Variants in PGM2L1 observed in about 807,000 individuals in gnomAD.
The protein encoded by PGM2L1 is glucose 1,6-bisphosphate synthase.
PGM2L1 carries 35 observed loss-of-function variants against 73.4 expected under a neutral mutation model. The observed-to-expected ratio is 0.48, with a 90% CI of 0.36 to 0.63. The LOEUF is 0.63. Ranked by LOEUF, PGM2L1 falls within the 30% of genes least tolerant of loss-of-function variation. The pLI, the probability that PGM2L1 is intolerant of heterozygous loss-of-function variation, is 0.00. For missense variants in PGM2L1, 570 were observed against 742.0 expected (o/e 0.77, Z 2.69); for synonymous variants, 225 against 253.8 (o/e 0.89, Z 1.08).
chr11:74,388,224 GAT>G (rs1248543543), intron 1 of PGM2L1, among the ~76,000 whole-genome samples: 1 of 152,122 alleles, frequency 6.6e-6, no homozygotes, highest in East Asian at 1.9e-4. Context: ...TCATTATAGA[GAT>G]ATGCTGTGCA....
intron 5 of PGM2L1, among the ~76,000 whole-genome samples, chr11:74,352,343 TATTATA>T (rs1862371073): frequency 6.6e-6 from 1 of 152,188 alleles, no homozygotes; most frequent in African/African-American, 2.4e-5. Context: ...GTCATATTTC[TATTATA>T]AAGTAGAATT....
intron 7 of PGM2L1, 56 bp downstream of exon 7, chr11:74,347,092 C>T: frequency 7.6e-7 from 1 of 1,312,138 alleles, no homozygotes; most frequent in South Asian, 1.7e-5. Flanking sequence ...TCAATGAGTT[C>T]TATCTATTCT....
At chr11:74,345,447 C>A in intron 9 of PGM2L1, 22 bp downstream of exon 9, 1 of 1,578,854 alleles carries the variant, frequency 6.3e-7, no homozygotes, top group South Asian at 1.1e-5. Context: ...AAAAGTAGCA[C>A]ACAGATATTA....
intron 2 of PGM2L1, among the ~76,000 whole-genome samples, chr11:74,373,159 C>T (rs1404656564): frequency 6.6e-6 from 1 of 152,168 alleles, no homozygotes; most frequent in South Asian, 2.1e-4. Flanking sequence ...AAAATGTGCA[C>T]TTCTGTAGAA....
At chr11:74,349,112 TC>T (rs1862310992) in intron 6 of PGM2L1, among the ~76,000 whole-genome samples, 1 of 152,232 alleles carries the variant, frequency 6.6e-6, no homozygotes, top group African/African-American at 2.4e-5. Flanking sequence ...TTCTGTTATT[TC>T]TTCTGCATTT....
chr11:74,375,159 T>A (rs1196539831), intron 1 of PGM2L1, among the ~76,000 whole-genome samples: 1 of 152,218 alleles, frequency 6.6e-6, no homozygotes, highest in Non-Finnish European at 1.5e-5. Context: ...AACGATTCAA[T>A]TTATCTATGG....
At chr11:74,363,555 C>T (rs1259815339) in intron 5 of PGM2L1, among the ~76,000 whole-genome samples, 1 of 152,152 alleles carries the variant, frequency 6.6e-6, no homozygotes, top group Non-Finnish European at 1.5e-5. Context: ...ACCAATCCCA[C>T]AGAAATACAA....
intron 1 of PGM2L1, among the ~76,000 whole-genome samples, chr11:74,393,482 A>G (rs1162902085): frequency 2.0e-5 from 3 of 152,216 alleles, no homozygotes; most frequent in Non-Finnish European, 4.4e-5. Flanking sequence ...TCTGGGCTAC[A>G]TTAGGAGGCA....
chr11:74,384,668 G>A (rs1862995833), intron 1 of PGM2L1, among the ~76,000 whole-genome samples: 1 of 152,008 alleles, frequency 6.6e-6, no homozygotes, highest in Non-Finnish European at 1.5e-5. Flanking sequence ...TGTTGTTGTT[G>A]TTGTTTGTTT....
intron 5 of PGM2L1, among the ~76,000 whole-genome samples, chr11:74,366,785 G>A (rs756365408): frequency 1.2e-4 from 19 of 152,114 alleles, no homozygotes; most frequent in Non-Finnish European, 2.5e-4. Flanking sequence ...ACAGGCATGA[G>A]GCAGATTATG....
At chr11:74,366,699 T>A (rs57223096) in intron 5 of PGM2L1, among the ~76,000 whole-genome samples, 6,166 of 151,894 alleles carry the variant, frequency 0.041, 400 homozygotes, top group African/African-American at 0.14. Context: ...CTTGCTATGT[T>A]GGAGGAGCTG....
intron 1 of PGM2L1, among the ~76,000 whole-genome samples, chr11:74,377,809 T>C (rs1331186152): frequency 1.3e-5 from 2 of 152,228 alleles, no homozygotes; most frequent in African/African-American, 4.8e-5. Context: ...CCTTTTCCCA[T>C]TCACAGAAAG....
chr11:74,335,975 C>A lies in PGM2L1; in HGVS notation c.*677G>T, dbSNP rs1352374493. 6.6e-6 allele frequency: 1 copy of A among 152,570 alleles called. No homozygotes were observed. Among genetic ancestry groups the A allele is most frequent in the Non-Finnish European group, 1.5e-5 (1 of 68,028 alleles). The allele number at this position is 152,570 out of a possible 1,614,324, so 9.5% of individuals were successfully genotyped here. A position where few individuals can be genotyped will look rare whatever the true frequency, so the allele number is the denominator to read the frequency against. ...CTGAGAAATTTGATAAGAACAAAGC[C>A]AATAGGAGTGTTGCCACTATTGTTT... On this transcript the variant is annotated 3_prime_UTR_variant, in exon 14 of 14. Coordinates refer to ENST00000298198, the MANE Select transcript of PGM2L1 (RefSeq NM_173582.6).
intron 5 of PGM2L1, among the ~76,000 whole-genome samples, chr11:74,362,061 C>T (rs1008029416): frequency 6.6e-6 from 1 of 152,150 alleles, no homozygotes; most frequent in African/African-American, 2.4e-5. Flanking sequence ...CACAAAGATA[C>T]TCCTCAAGAA....
At chr11:74,350,897 AAGAGAG>A (rs35421915) in intron 6 of PGM2L1, among the ~76,000 whole-genome samples, 1,751 of 146,434 alleles carry the variant, frequency 0.012, 18 homozygotes, top group Non-Finnish European at 0.017. Context: ...GAAAGAAAGA[AAGAGAG>A]AGAGAGAGAG....
Position 74,392,013 on chromosome 11 carries a change from G to A in PGM2L1, c.111+6038C>T, listed in dbSNP as rs544378382. ...CTAATAGCATAACTATCAAAATTTA[G>A]GAGACATAGAGAATAGTGAGTGAAT... On this transcript the variant is annotated intron_variant, in intron 1 of 13. Coordinates refer to ENST00000298198, the MANE Select transcript of PGM2L1 (RefSeq NM_173582.6). Among the ~76,000 whole-genome samples, 23 of 152,296 alleles carry A rather than the reference G, an allele frequency of 1.5e-4. No homozygotes were observed. In the East Asian group the frequency reaches 3.7e-3, roughly 24 times the overall value.
intron 1 of PGM2L1, among the ~76,000 whole-genome samples, chr11:74,376,118 C>G (rs545576400): frequency 6.6e-6 from 1 of 152,240 alleles, no homozygotes; most frequent in African/African-American, 2.4e-5. Context: ...CCTTTTGGCC[C>G]ATAGATTTCT....
Position 74,368,631 on chromosome 11 carries a change from G to T in PGM2L1, c.472-56C>A. The T allele has an allele frequency of 2.2e-6, 3 of 1,368,096 alleles. No homozygotes were observed. The South Asian group carries it at 3.5e-5, about 16-fold the overall frequency. 84.7% of individuals were successfully genotyped at this position (1,368,096 alleles called of 1,614,324 possible). On this transcript the variant is annotated intron_variant, in intron 4 of 13. Transcript: ENST00000298198. ...TTGCTTCCTAGCTATTTACACATTT[G>T]ACATGAGAATAATTTTGATTAAATA...
chr11:74,392,681 A>G (rs993481239), intron 1 of PGM2L1, among the ~76,000 whole-genome samples: 1 of 152,006 alleles, frequency 6.6e-6, no homozygotes, highest in African/African-American at 2.4e-5. Flanking sequence ...AGCTGGGACT[A>G]CAGGTGCCCG....
Sources: allele counts gnomAD v4.1 joint callset (sites outside exome capture counted in the v4.1 genomes callset), GRCh38; gene constraint gnomAD v4.1.1; transcripts MANE v1.5; gene names NCBI Gene and HGNC (gene_info 2026-07-23, HGNC 2026-07-21).